Variants in HELZ observed in about 807,000 individuals in gnomAD.
The protein encoded by HELZ is helicase with zinc finger.
Under a neutral mutation model 218.2 loss-of-function variants are expected in HELZ, and 23 were observed. The observed-to-expected ratio is 0.11, with a 90% CI of 0.08 to 0.15. The LOEUF (loss-of-function observed/expected upper bound fraction) is 0.15. HELZ is among the 10% of genes least tolerant of loss of function. The pLI, the probability that HELZ is intolerant of heterozygous loss-of-function variation, is 1.00. For synonymous variants in HELZ, 814 were observed against 829.4 expected, an observed-to-expected ratio of 0.98 and a Z score of 0.32; for missense variants, 1,813 against 2,353.7, an observed-to-expected ratio of 0.77 and a Z score of 4.75.
chr17:67,161,678 T>A (rs996008907), intron 15 of HELZ, among the ~76,000 whole-genome samples: 18 of 152,336 alleles, frequency 1.2e-4, no homozygotes, highest in African/African-American at 3.4e-4. Flanking sequence ...AAATGTTTTT[T>A]AATATTTTTG....
intron 31 of HELZ, among the ~76,000 whole-genome samples, chr17:67,087,427 A>T (rs542375756): frequency 6.6e-6 from 1 of 152,362 alleles, no homozygotes; most frequent in African/African-American, 2.4e-5. Flanking sequence ...TTGACATTTT[A>T]GATAATAGTA....
At chr17:67,150,583 C>G (rs1224702730) in intron 18 of HELZ, among the ~76,000 whole-genome samples, 1 of 152,060 alleles carries the variant, frequency 6.6e-6, no homozygotes, top group East Asian at 1.9e-4. Flanking sequence ...ATAATAAAAC[C>G]TATCATAATT....
intron 16 of HELZ, 93 bp downstream of exon 16, chr17:67,160,804 A>C: frequency 1.1e-6 from 1 of 916,522 alleles, no homozygotes; most frequent in Admixed American, 3.1e-5. Flanking sequence ...GAGCTGCATG[A>C]AAACTGTCTT....
intron 27 of HELZ, chr17:67,119,922 G>A (rs193045422): frequency 2.5e-6 from 1 of 404,700 alleles, no homozygotes; most frequent in Admixed American, 3.1e-5. Context: ...TCTCAATTTT[G>A]TGTCTGTGTA....
chr17:67,093,136 AAAC>A (rs1212747084), intron 31 of HELZ, among the ~76,000 whole-genome samples: 1 of 152,216 alleles, frequency 6.6e-6, no homozygotes, highest in African/African-American at 2.4e-5. Context: ...ATCAAAAACA[AAAC>A]AACAACAAAC....
Position 67,084,675 on chromosome 17 carries a change from A to C in HELZ, c.5494+2154T>G, listed in dbSNP as rs2143565075. Among the ~76,000 whole-genome samples the C allele has an allele frequency of 2.0e-5, 3 of 151,908 alleles. No individual in the cohort carries two copies. The East Asian group carries it at 5.8e-4, about 29-fold the overall frequency. ...GAGACTCCGTCTCAAAAAAAAAAAA[A>C]AAGAAAGAAAAAGAAGAAGAGAAAT... On this transcript the variant is annotated intron_variant, in intron 32 of 32. Transcript: ENST00000358691.
At chr17:67,129,994 C>T (rs532525475) in intron 23 of HELZ, among the ~76,000 whole-genome samples, 1 of 152,132 alleles carries the variant, frequency 6.6e-6, no homozygotes, top group East Asian at 1.9e-4. Context: ...CTTCAAGAAG[C>T]ATAAATGAAA....
intron 17 of HELZ, among the ~76,000 whole-genome samples, chr17:67,155,418 G>A (rs969289485): frequency 1.3e-5 from 2 of 152,120 alleles, no homozygotes; most frequent in Admixed American, 6.5e-5. Flanking sequence ...TACTTAGGGT[G>A]TAAAGACCTG....
intron 3 of HELZ, among the ~76,000 whole-genome samples, chr17:67,229,223 C>T (rs2040973713): frequency 6.6e-6 from 1 of 152,124 alleles, no homozygotes; most frequent in Admixed American, 6.6e-5. Context: ...GATATCCGGG[C>T]CACCACCAAT....
intron 15 of HELZ, 22 bp downstream of exon 15, chr17:67,166,456 A>C: frequency 6.3e-7 from 1 of 1,592,408 alleles, no homozygotes; most frequent in Non-Finnish European, 8.6e-7. Flanking sequence ...ACTTCCTTTA[A>C]TAAGATATCG....
intron 3 of HELZ, chr17:67,224,736 C>T (rs543563501): frequency 1.9e-6 from 2 of 1,074,064 alleles, no homozygotes. Context: ...ACATGGTGAA[C>T]GTTGCTAAAA....
rs560716044 is a variant in HELZ, at chr17:67,071,523, G to T, written c.*6729C>A. On this transcript the variant is annotated 3_prime_UTR_variant, in exon 33 of 33. Transcript: ENST00000358691. Reference sequence around the variant, plus strand: ...CTCCAAAGCTGTATATTCTACGATGGTCTTCACGTGTACTTTTACACCTAA... The same window carrying T: ...CTCCAAAGCTGTATATTCTACGATGTTCTTCACGTGTACTTTTACACCTAA... 5.9e-5 allele frequency: 9 copies of T among 152,232 alleles called. No individual in the cohort carries two copies. The South Asian group carries it at 1.9e-3, about 32-fold the overall frequency. 9.4% of individuals were successfully genotyped at this position (152,232 alleles called of 1,614,324 possible). A position where few individuals can be genotyped will look rare whatever the true frequency, so the allele number is the denominator to read the frequency against.
At chr17:67,194,961 C>G (rs1236957088) in intron 8 of HELZ, among the ~76,000 whole-genome samples, 1 of 152,200 alleles carries the variant, frequency 6.6e-6, no homozygotes, top group Non-Finnish European at 1.5e-5. Flanking sequence ...CCATAGTACA[C>G]AGCATTCAGC....
At chr17:67,109,725 T>A in intron 28 of HELZ, 39 bp from the exon 29 acceptor site, 1 of 1,496,462 alleles carries the variant, frequency 6.7e-7, no homozygotes, top group East Asian at 2.3e-5. Context: ...CTGCAGAAGA[T>A]TCAAATTCAG....
chr17:67,234,971 A>G (rs924747693), intron 3 of HELZ, among the ~76,000 whole-genome samples: 3 of 152,194 alleles, frequency 2.0e-5, no homozygotes, highest in African/African-American at 7.2e-5. Flanking sequence ...TTAATCCCGA[A>G]GTACCTTGTA....
intron 9 of HELZ, 80 bp from the exon 10 acceptor site, chr17:67,190,435 ATTC>A: frequency 8.5e-6 from 9 of 1,063,198 alleles, no homozygotes; most frequent in Non-Finnish European, 1.3e-5. Flanking sequence ...TTGCCCTCTG[ATTC>A]TTCAATAAAA....
chr17:67,122,150 C>T (rs548010777), intron 26 of HELZ, among the ~76,000 whole-genome samples: 30 of 152,262 alleles, frequency 2.0e-4, no homozygotes, highest in African/African-American at 7.2e-4. Flanking sequence ...TGCCTGTAAT[C>T]CCAGTGCTTT....
chr17:67,193,230 A>T (rs952120532), intron 9 of HELZ, among the ~76,000 whole-genome samples: 2 of 151,736 alleles, frequency 1.3e-5, no homozygotes, highest in African/African-American at 4.8e-5. Flanking sequence ...CTGTAGTCCC[A>T]GCTACTTGGG....
At chr17:67,112,826 C>A (rs1021402514) in intron 28 of HELZ, among the ~76,000 whole-genome samples, 12 of 152,064 alleles carry the variant, frequency 7.9e-5, no homozygotes, top group African/African-American at 2.4e-4. Flanking sequence ...CTTGGGGAGG[C>A]TGAGCAGGAA....
Sources: allele counts gnomAD v4.1 joint callset (sites outside exome capture counted in the v4.1 genomes callset), GRCh38; gene constraint gnomAD v4.1.1; transcripts MANE v1.5; gene names NCBI Gene and HGNC (gene_info 2026-07-23, HGNC 2026-07-21).